The following SLC16A2 variants were observed in gnomAD, a reference collection of about 807,000 sequenced individuals.
SLC16A2 encodes solute carrier family 16 member 2.
SLC16A2 carries 3 observed loss-of-function variants against 27.2 expected under a neutral mutation model. That is an observed-to-expected ratio of 0.11 (90% CI 0.05 to 0.28). The LOEUF is 0.28. SLC16A2 is among the 10% of genes least tolerant of loss of function. The pLI is 1.00. For synonymous variants in SLC16A2, 202 were observed against 187.8 expected, an observed-to-expected ratio of 1.08 and a Z score of -0.62; for missense variants, 295 against 458.5, an observed-to-expected ratio of 0.64 and a Z score of 3.26.
At chrX:74,461,331 A>G (rs1043338025) in intron 1 of SLC16A2, among the ~76,000 whole-genome samples, 4 of 111,208 alleles carry the variant, frequency 3.6e-5, no homozygotes, top group African/African-American at 9.8e-5. Flanking sequence ...CCTCAGTTCC[A>G]TTCCTCAGAA....
intron 1 of SLC16A2, among the ~76,000 whole-genome samples, chrX:74,495,812 G>A (rs748275608): frequency 2.7e-5 from 3 of 111,274 alleles, no homozygotes; most frequent in African/African-American, 6.5e-5. Context: ...CTCTGGCCGA[G>A]GCCCTTGTCT....
At chrX:74,425,830 G>A (rs900670073) in intron 1 of SLC16A2, among the ~76,000 whole-genome samples, 1 of 111,908 alleles carries the variant, frequency 8.9e-6, no homozygotes, top group African/African-American at 3.3e-5. Context: ...AAAAAATATG[G>A]AAGGCATTTT....
At position 74,531,669 on chromosome X, in the gene SLC16A2, C is replaced by T; in HGVS notation, c.*116C>T. ...TCCCAGACCTGCGCACACAGCATTT[C>T]AGCCACCTGACAATCTCCTTGGAGT... On this transcript the variant is annotated 3_prime_UTR_variant, in exon 6 of 6. Coordinates refer to ENST00000587091, the MANE Select transcript of SLC16A2 (RefSeq NM_006517.5). 1 of 568,979 alleles carries T rather than the reference C, an allele frequency of 1.8e-6. No homozygotes were observed. Among genetic ancestry groups the T allele is most frequent in the East Asian group, 3.5e-5 (1 of 28,760 alleles). 46.9% of individuals were successfully genotyped at this position (568,979 alleles called of 1,213,427 possible). A position where few individuals can be genotyped will look rare whatever the true frequency, so the allele number is the denominator to read the frequency against.
intron 1 of SLC16A2, among the ~76,000 whole-genome samples, chrX:74,429,015 A>G (rs954102993): frequency 1.8e-5 from 2 of 110,592 alleles, no homozygotes; most frequent in Non-Finnish European, 3.8e-5. Flanking sequence ...ACTGCTGCAC[A>G]ATTGGTTGTA....
Position 74,421,628 on chromosome X carries a change from C to T in SLC16A2, c.-10C>T, listed in dbSNP as rs1465633269. 1.7e-6 allele frequency: 2 copies of T among 1,202,629 alleles called. No homozygotes were observed. The highest frequency in any genetic ancestry group is 2.2e-6 in the Non-Finnish European group (2 of 893,184). The stretch of plus-strand genomic sequence containing the variant: ...CCTCTGGCCCAAGCAGCCACAGTCC[C>T]CCCGCCGCGATGGCGCTGCAAAGCC... On this transcript the variant is annotated 5_prime_UTR_variant, in exon 1 of 6. Coordinates refer to ENST00000587091, the MANE Select transcript of SLC16A2 (RefSeq NM_006517.5).
chrX:74,422,296 G>A (rs944354491), intron 1 of SLC16A2, among the ~76,000 whole-genome samples: 7 of 112,295 alleles, frequency 6.2e-5, no homozygotes, highest in Non-Finnish European at 1.1e-4. Context: ...CGTCCCGGGG[G>A]TACGAACTGG....
At chrX:74,428,755 T>C (rs1045853941) in intron 1 of SLC16A2, among the ~76,000 whole-genome samples, 1 of 111,923 alleles carries the variant, frequency 8.9e-6, no homozygotes. Context: ...GACACCCTTT[T>C]TGTCACTTCT....
At chrX:74,428,207 A>G (rs143260667) in intron 1 of SLC16A2, among the ~76,000 whole-genome samples, 1 of 111,364 alleles carries the variant, frequency 9.0e-6, no homozygotes, top group East Asian at 2.8e-4. Context: ...AAACCTAGAG[A>G]GATTTCATCA....
chrX:74,484,597 C>A (rs2147857278), intron 1 of SLC16A2, among the ~76,000 whole-genome samples: 1 of 112,070 alleles, frequency 8.9e-6, no homozygotes, highest in South Asian at 3.8e-4. Context: ...CCCATCATGG[C>A]CTGAAACAGT....
chrX:74,432,747 T>G (rs112578685), intron 1 of SLC16A2, among the ~76,000 whole-genome samples: 14,780 of 111,434 alleles, frequency 0.13, 745 homozygotes, highest in Admixed American at 0.15. Context: ...GTCAGAGGAC[T>G]GGGGAATAAG....
In SLC16A2 at chrX:74,533,783, A is replaced by G. The variant is rs1231282124; in HGVS notation, c.*2230A>G. On this transcript the variant is annotated 3_prime_UTR_variant, in exon 6 of 6. Transcript: ENST00000587091. Reference sequence around the variant, plus strand: ...TGTTGATTGGCAAAAGCAGCACAGTATTAATATTTAGAGTAGGATGCAGCC... The same window carrying G: ...TGTTGATTGGCAAAAGCAGCACAGTGTTAATATTTAGAGTAGGATGCAGCC... The G allele has an allele frequency of 8.9e-6, 1 of 112,855 alleles. No individual in the cohort carries two copies. Among genetic ancestry groups the G allele is most frequent in the Non-Finnish European group, 1.9e-5 (1 of 53,344 alleles). The allele number at this position is 112,855 out of a possible 1,213,427, so 9.3% of individuals were successfully genotyped here.
At chrX:74,453,547 T>C (rs1928984245) in intron 1 of SLC16A2, among the ~76,000 whole-genome samples, 1 of 111,579 alleles carries the variant, frequency 9.0e-6, no homozygotes, top group African/African-American at 3.3e-5. Context: ...TTTTTCAGAC[T>C]GTTCCTTTAA....
chrX:74,427,781 G>A (rs1170690723), intron 1 of SLC16A2, among the ~76,000 whole-genome samples: 7 of 101,907 alleles, frequency 6.9e-5, no homozygotes, highest in African/African-American at 1.8e-4. Flanking sequence ...ACACATGTGC[G>A]CAAGCGCATG....
At chrX:74,435,553 ATTT>A (rs574089496) in intron 1 of SLC16A2, among the ~76,000 whole-genome samples, 3,064 of 87,367 alleles carry the variant, frequency 0.035, 81 homozygotes, top group South Asian at 0.11. Flanking sequence ...ATATATATAT[ATTT>A]TTTTTTTTTT....
At chrX:74,519,725 AAAAAAC>A (rs1321642086) in intron 1 of SLC16A2, among the ~76,000 whole-genome samples, 1 of 69,644 alleles carries the variant, frequency 1.4e-5, no homozygotes, top group Non-Finnish European at 3.7e-5. Context: ...CAAAAAAAAA[AAAAAAC>A]AAAAAAAAAA....
intron 1 of SLC16A2, among the ~76,000 whole-genome samples, chrX:74,488,922 A>G (rs901037241): frequency 8.9e-6 from 1 of 112,031 alleles, no homozygotes; most frequent in East Asian, 2.8e-4. Context: ...ACCTTTTAAT[A>G]AGAACACTTT....
intron 1 of SLC16A2, among the ~76,000 whole-genome samples, chrX:74,493,824 A>G (rs150067484): frequency 0.013 from 1,430 of 111,215 alleles, 16 homozygotes; most frequent in African/African-American, 0.037. Flanking sequence ...CTCTGAAAGT[A>G]GGGCTGTCCA....
intron 1 of SLC16A2, among the ~76,000 whole-genome samples, chrX:74,439,324 T>C (rs1287624077): frequency 1.0e-5 from 1 of 100,177 alleles, no homozygotes; most frequent in Non-Finnish European, 2.0e-5. Flanking sequence ...TTTCTTTTTT[T>C]TTTGAGACAG....
chrX:74,421,737 G>C lies in SLC16A2; in HGVS notation c.100G>C (p.Glu34Gln). The part of the protein sequence containing the change: ...EPVGSPEPES[E>Q]PEPEPEPEPV... ...GGTGGGTAGCCCAGAGCCGGAGTCT[G>C]AGCCGGAGCCTGAGCCCGAGCCCGA... Residue 34 changes from glutamate to glutamine, a missense_variant, in exon 1 of 6, where the codon GAG (glutamate) becomes CAG (glutamine). Physicochemically the swap from Glu to Gln is conservative, Grantham distance 29. This residue lies in a region of SLC16A2 where 92 missense variants were observed against 85.1 expected (regional missense o/e 1.08). Coordinates refer to ENST00000587091, the MANE Select transcript of SLC16A2 (RefSeq NM_006517.5). 1 of 1,161,013 alleles carries C rather than the reference G, an allele frequency of 8.6e-7. No individual in the cohort carries two copies. Among genetic ancestry groups the C allele is most frequent in the Non-Finnish European group, 1.1e-6 (1 of 870,177 alleles).
Sources: allele counts gnomAD v4.1 joint callset (sites outside exome capture counted in the v4.1 genomes callset), GRCh38; gene constraint gnomAD v4.1.1; regional missense constraint gnomAD v4.1.1; transcripts MANE v1.5; gene names NCBI Gene and HGNC (gene_info 2026-07-23, HGNC 2026-07-21).